Variants in SIRT1 observed in about 807,000 individuals in gnomAD.
The protein encoded by SIRT1 is NAD-dependent protein deacetylase sirtuin-1.
Under a neutral mutation model 67.9 loss-of-function variants are expected in SIRT1, and 24 were observed. That is an observed-to-expected ratio of 0.35 (90% CI 0.26 to 0.50). The LOEUF (loss-of-function observed/expected upper bound fraction) is 0.50. SIRT1 is among the 20% of genes least tolerant of loss of function. SIRT1 has a pLI of 0.98. For missense variants in SIRT1, 873 were observed against 937.2 expected, an observed-to-expected ratio of 0.93 and a Z score of 0.89; for synonymous variants, 378 against 350.7, an observed-to-expected ratio of 1.08 and a Z score of -0.87.
chr10:67,889,268 T>C (rs1842532465), intron 3 of SIRT1, 145 bp downstream of exon 3: 1 of 886,354 alleles, frequency 1.1e-6, no homozygotes, highest in Non-Finnish European at 1.7e-6. Flanking sequence ...GCAGCAGCAG[T>C]TGCTAAATTA....
Position 67,916,496 on chromosome 10 carries a change from G to T in SIRT1, c.2147G>T (p.Gly716Val). The stretch of plus-strand genomic sequence containing the variant: ...GTTCCAGAGAGAGCTGGAGGAGCTG[G>T]ATTTGGGACTGATGGAGATGATCAA... ...PDVPERAGGA[G>V]FGTDGDDQEA... is the part of the protein sequence containing the mutation. The change falls in exon 9 of 9, where the codon GGA becomes GTA. Residue 716 changes from glycine (G) to valine (V), a missense_variant. Physicochemically the swap from Gly to Val is moderately radical, Grantham distance 109. Around this residue, in one of 3 missense-constraint regions of SIRT1, gnomAD observed 295 missense variants for 294.5 expected, o/e 1.00. Transcript: ENST00000212015. 1 of 1,614,152 alleles carries T rather than the reference G, an allele frequency of 6.2e-7. No individual in the cohort carries two copies. Among genetic ancestry groups the T allele is most frequent in the Non-Finnish European group, 8.5e-7 (1 of 1,180,032 alleles).
intron 6 of SIRT1, 60 bp from the exon 7 acceptor site, chr10:67,909,196 A>C: frequency 2.6e-6 from 3 of 1,171,512 alleles, no homozygotes; most frequent in Non-Finnish European, 3.6e-6. Flanking sequence ...AATGTTGACT[A>C]TTTCTAACTT....
chr10:67,912,876 A>G lies in SIRT1; in HGVS notation c.1760A>G (p.Asn587Ser). The stretch of plus-strand genomic sequence containing the variant: ...CCACAGGAAGTACAAACTTCTAGGA[A>G]TGTTGAAAGTATTGCTGAACAGATG... ...EKPQEVQTSR[N>S]VESIAEQMEN... The change falls in exon 8 of 9, where the codon AAT becomes AGT. Residue 587 changes from asparagine to serine, a missense_variant. Physicochemically the swap from Asn to Ser is conservative, Grantham distance 46. Transcript: ENST00000212015. 1 of 1,614,154 alleles carries G rather than the reference A, an allele frequency of 6.2e-7. No homozygotes were observed. Among genetic ancestry groups the G allele is most frequent in the Non-Finnish European group, 8.5e-7 (1 of 1,180,026 alleles).
rs1375598245 is a variant in SIRT1, at chr10:67,909,442, A to G, written c.1357A>G (p.Ser453Gly). The G allele has an allele frequency of 3.8e-6, 6 of 1,599,924 alleles. No homozygotes were observed. The highest frequency in any genetic ancestry group is 4.3e-6 in the Non-Finnish European group (5 of 1,175,910). The stretch of plus-strand genomic sequence containing the variant: ...AGTAAGACCAGTAGCACTAATTCCA[A>G]GTAAGTTGGTGATGGTTTTTGGAGA... ...LKVRPVALIP[S>G]SIPHEVPQIL... Residue 453 changes from serine (S) to glycine (G), a missense_variant and splice_region_variant, in exon 7 of 9, where the codon AGT becomes GGT. Ser to Gly is a moderately conservative substitution (Grantham distance 56, BLOSUM62 0). Coordinates refer to ENST00000212015, the MANE Select transcript of SIRT1 (RefSeq NM_012238.5).
chr10:67,906,769 T>C, intron 4 of SIRT1, 21 bp from the exon 5 acceptor site: 1 of 1,603,092 alleles, frequency 6.2e-7, no homozygotes. Flanking sequence ...GTAAATTTTT[T>C]CTACCATTTG....
rs989325519 is a variant in SIRT1 at position 67,910,317 on chromosome 10, A to G, written c.1357+875A>G. Among the ~76,000 whole-genome samples, 12 of 152,028 alleles carry G rather than the reference A, an allele frequency of 7.9e-5. 1 individual carries two copies. The highest frequency in any genetic ancestry group is 2.0e-4 in the Admixed American group (3 of 15,248). ...TTGAACTCAGGAGGCAGAGGTTGCAATGAGCCGAGAATGTGCCACTGCACT... is the reference window on the plus strand; with the variant it reads ...TTGAACTCAGGAGGCAGAGGTTGCAGTGAGCCGAGAATGTGCCACTGCACT... On this transcript the variant is annotated intron_variant, in intron 7 of 8. Transcript: ENST00000212015.
chr10:67,905,525 A>G lies in SIRT1; in HGVS notation c.943-1265A>G, dbSNP rs34972533. ...AACGGAATTCACTTAAGTTTTACTT[A>G]GAAGCCTGGGTAGTAGAACCTAGAA... On this transcript the variant is annotated intron_variant, in intron 4 of 8. Coordinates refer to ENST00000212015, the MANE Select transcript of SIRT1 (RefSeq NM_012238.5). Among the ~76,000 whole-genome samples, 6 of 152,342 alleles carry G rather than the reference A, an allele frequency of 3.9e-5. No individual in the cohort carries two copies. In the East Asian group the frequency reaches 1.2e-3, roughly 29 times the overall value.
chr10:67,890,986 C>A (rs1330034111), intron 3 of SIRT1, among the ~76,000 whole-genome samples: 1 of 146,762 alleles, frequency 6.8e-6, no homozygotes, highest in Non-Finnish European at 1.5e-5. Flanking sequence ...GCCGAGATCG[C>A]ACCACTGCAC....
At chr10:67,886,454 G>C (rs1287398599) in intron 1 of SIRT1, among the ~76,000 whole-genome samples, 1 of 151,550 alleles carries the variant, frequency 6.6e-6, no homozygotes, top group African/African-American at 2.4e-5. Flanking sequence ...GCGGGACGTG[G>C]TGTCGCACAC....
At chr10:67,887,093 A>C (rs950229810) in intron 1 of SIRT1, among the ~76,000 whole-genome samples, 19 of 151,226 alleles carry the variant, frequency 1.3e-4, no homozygotes, top group African/African-American at 4.6e-4. Context: ...GCTGGTCTCG[A>C]ATTCTCAACC....
chr10:67,908,031 GTTGT>G lies in SIRT1; in HGVS notation c.1091-8_1091-5del. The G allele has an allele frequency of 6.2e-7, 1 of 1,603,728 alleles. No homozygotes were observed. Among genetic ancestry groups the G allele is most frequent in the Non-Finnish European group, 8.5e-7 (1 of 1,171,546 alleles). ...TACTTCTTTAATAAAGCATATATAT[GTTGT>G]TTGTTTTTAGGTTCCTTTGCAACAG... is the stretch of plus-strand genomic sequence containing the variant. On this transcript the variant is annotated splice_polypyrimidine_tract_variant and intron_variant, in intron 5 of 8. Coordinates refer to ENST00000212015, the MANE Select transcript of SIRT1 (RefSeq NM_012238.5).
intron 2 of SIRT1, among the ~76,000 whole-genome samples, chr10:67,888,216 A>C (rs1842516759): frequency 6.6e-6 from 1 of 152,182 alleles, no homozygotes; most frequent in Admixed American, 6.6e-5. Context: ...AACCATCTTG[A>C]AAGTGGATCT....
chr10:67,892,573 A>G lies in SIRT1; in HGVS notation c.942+1019A>G, dbSNP rs955252468. On this transcript the variant is annotated intron_variant, in intron 4 of 8. Transcript: ENST00000212015. ...GCAACAGAGCAAGAGTGTTTCCAAA[A>G]TATATGTATGTTTTTTGAAGTTTAC... 4.6e-5 allele frequency among the ~76,000 whole-genome samples: 7 copies of G among 151,768 alleles called. No individual in the cohort carries two copies. The East Asian group carries it at 1.4e-3, about 29-fold the overall frequency.
chr10:67,885,440 C>G lies in SIRT1; in HGVS notation c.430+289C>G, dbSNP rs577504190. On this transcript the variant is annotated intron_variant, in intron 1 of 8. Transcript: ENST00000212015. ...CAGTCGCTTTAAAATAAGTTTCTCT[C>G]CCCCTCTTACTCTTTTAGCATATTG... The G allele has an allele frequency of 4.2e-6, 5 of 1,189,948 alleles. No individual in the cohort carries two copies. In the South Asian group the frequency reaches 1.3e-4, roughly 31 times the overall value. 73.7% of individuals were successfully genotyped at this position (1,189,948 alleles called of 1,614,324 possible). A position where few individuals can be genotyped will look rare whatever the true frequency, so the allele number is the denominator to read the frequency against.
In SIRT1 at chr10:67,912,988, G is replaced by T; in HGVS notation, c.1872G>T (p.Trp624Cys). 1 of 1,611,784 alleles carries T rather than the reference G, an allele frequency of 6.2e-7. No homozygotes were observed. Among genetic ancestry groups the T allele is most frequent in the Non-Finnish European group, 8.5e-7 (1 of 1,179,424 alleles). The part of the protein sequence containing the change: ...TSVAGTVRKC[W>C]PNRVAKEQIS... ...TGGCTGGAACAGTGAGAAAATGCTG[G>T]CCTAATAGAGTGGCAAAGGAGCAGA... The change falls in exon 8 of 9, where the codon TGG becomes TGT. Residue 624 changes from tryptophan to cysteine, a missense_variant. Physicochemically the swap from Trp to Cys is radical, Grantham distance 215. This residue lies in a region of SIRT1 where 295 missense variants were observed against 294.5 expected (regional missense o/e 1.00). Coordinates refer to ENST00000212015, the MANE Select transcript of SIRT1 (RefSeq NM_012238.5).
At chr10:67,889,891 G>C (rs1051827298) in intron 3 of SIRT1, among the ~76,000 whole-genome samples, 1 of 152,116 alleles carries the variant, frequency 6.6e-6, no homozygotes, top group African/African-American at 2.4e-5. Context: ...AATAACTTCT[G>C]AAATCTCTAT....
Position 67,884,798 on chromosome 10 carries a change from C to T in SIRT1, c.77C>T (p.Ser26Leu), listed in dbSNP as rs1489985293. Residue 26 changes from serine (S) to leucine (L), a missense_variant, in exon 1 of 9, where the codon TCG (serine) becomes TTG (leucine). This residue lies in a region of SIRT1 where 327 missense variants were observed against 283.9 expected (regional missense o/e 1.15). Coordinates refer to ENST00000212015, the MANE Select transcript of SIRT1 (RefSeq NM_012238.5). ...SAAGADREAA[S>L]SPAGEPLRKR... The stretch of plus-strand genomic sequence containing the variant: ...GCGGGGGCCGACAGGGAGGCCGCGT[C>T]GTCCCCCGCCGGGGAGCCGCTCCGC... 26 of 1,220,988 alleles carry T rather than the reference C, an allele frequency of 2.1e-5. No individual in the cohort carries two copies. Among genetic ancestry groups the T allele is most frequent in the Middle Eastern group, 3.2e-4 (1 of 3,172 alleles). 75.6% of individuals were successfully genotyped at this position (1,220,988 alleles called of 1,614,324 possible). A position where few individuals can be genotyped will look rare whatever the true frequency, so the allele number is the denominator to read the frequency against.
At chr10:67,906,384 G>T in intron 4 of SIRT1, 4 of 1,277,030 alleles carry the variant, frequency 3.1e-6, no homozygotes, top group Admixed American at 2.8e-5. Context: ...TATTGACAGT[G>T]CTTTTTTTTT....
chr10:67,902,778 C>A (rs1423364968), intron 4 of SIRT1, among the ~76,000 whole-genome samples: 2 of 152,278 alleles, frequency 1.3e-5, no homozygotes, highest in East Asian at 1.9e-4. Context: ...TTGATGAATT[C>A]TCTAAAAATT....
Sources: gnomAD v4.1 joint callset for allele counts (sites outside exome capture counted in the v4.1 genomes callset) on GRCh38, gnomAD v4.1.1 for gene constraint, gnomAD v4.1.1 regional missense constraint, MANE v1.5 for transcripts, NCBI Gene and HGNC (gene_info 2026-07-23, HGNC 2026-07-21) for gene names.